ZNF385D: variants seen among roughly 807,000 people sequenced by gnomAD.
ZNF385D encodes the protein zinc finger protein 385D.
A neutral mutation model predicts 35.8 loss-of-function variants in ZNF385D; 15 were observed. The ratio of observed to expected loss-of-function variants is 0.42; its 90% CI spans 0.28 to 0.64. The LOEUF is 0.64. Ranked by LOEUF, ZNF385D falls within the 30% of genes least tolerant of loss-of-function variation. The probability of loss-of-function intolerance (pLI) is 0.23; values close to 1 mark genes in which losing one functional copy is unlikely to be tolerated. For missense variants in ZNF385D, 474 were observed against 494.6 expected (o/e 0.96, Z 0.39); for synonymous variants, 212 against 186.8 (o/e 1.13, Z -1.10).
chr3:22,302,204 C>G (rs934791468), intron 2 of ZNF385D, among the ~76,000 whole-genome samples: 2 of 151,984 alleles, frequency 1.3e-5, no homozygotes, highest in Non-Finnish European at 2.9e-5. Context: ...TATCTCTAAA[C>G]TTTTAAAATA....
intron 3 of ZNF385D, among the ~76,000 whole-genome samples, chr3:22,039,080 A>G (rs1192185367): frequency 6.6e-6 from 1 of 151,860 alleles, no homozygotes; most frequent in East Asian, 1.9e-4. Flanking sequence ...AAATAATTAC[A>G]AACGATCCCT....
At chr3:21,617,291 C>T (rs2125804521) in intron 2 of ZNF385D, among the ~76,000 whole-genome samples, 1 of 152,320 alleles carries the variant, frequency 6.6e-6, no homozygotes, top group South Asian at 2.1e-4. Context: ...CTGGCAAGAA[C>T]TCAGAGTGTA....
chr3:21,657,963 G>T (rs1295348462), intron 2 of ZNF385D, among the ~76,000 whole-genome samples: 1 of 151,904 alleles, frequency 6.6e-6, no homozygotes, highest in Non-Finnish European at 1.5e-5. Context: ...AGAAGACAAA[G>T]TGTGCCAATT....
chr3:22,338,907 G>T, intron 2 of ZNF385D, among the ~76,000 whole-genome samples: 1 of 151,750 alleles, frequency 6.6e-6, no homozygotes, highest in Admixed American at 6.6e-5. Flanking sequence ...CACCATGTTG[G>T]CCAGGCTCGT....
chr3:22,173,337 T>G (rs1464462294), intron 2 of ZNF385D, among the ~76,000 whole-genome samples: 1 of 152,180 alleles, frequency 6.6e-6, no homozygotes, highest in Non-Finnish European at 1.5e-5. Context: ...TAATGTATTA[T>G]TAGTTCGTTA....
At chr3:21,959,299 A>G (rs1482971979) in intron 3 of ZNF385D, among the ~76,000 whole-genome samples, 3 of 152,186 alleles carry the variant, frequency 2.0e-5, no homozygotes, top group African/African-American at 7.2e-5. Flanking sequence ...TGCACTGGCA[A>G]ATAAAAACAA....
At chr3:21,967,628 G>T (rs1231759138) in intron 3 of ZNF385D, among the ~76,000 whole-genome samples, 2 of 152,186 alleles carry the variant, frequency 1.3e-5, no homozygotes, top group African/African-American at 4.8e-5. Context: ...CATATGCCAA[G>T]ATATGACTAA....
Position 21,525,887 on chromosome 3 carries a change from G to T in ZNF385D, c.277-14864C>A, listed in dbSNP as rs77358128. 2.1e-3 allele frequency among the ~76,000 whole-genome samples: 323 copies of T among 152,138 alleles called. 2 individuals carry two copies. The highest frequency in any genetic ancestry group is 6.4e-3 in the African/African-American group (266 of 41,522). ...AATCTGAAATACAGCGGTTGTCTAAGTGATGTTGTTAATATCACTGCTTTC... is the reference window on the plus strand; with the variant it reads ...AATCTGAAATACAGCGGTTGTCTAATTGATGTTGTTAATATCACTGCTTTC... On this transcript the variant is annotated intron_variant, in intron 3 of 7. Transcript: ENST00000281523.
chr3:22,151,034 A>C (rs183883542), intron 3 of ZNF385D, among the ~76,000 whole-genome samples: 1 of 152,180 alleles, frequency 6.6e-6, no homozygotes, highest in Admixed American at 6.6e-5. Context: ...GAAATAAAAT[A>C]AAATCTTCTT....
chr3:22,078,217 T>C (rs556973972), intron 3 of ZNF385D, among the ~76,000 whole-genome samples: 3 of 152,010 alleles, frequency 2.0e-5, no homozygotes, highest in African/African-American at 4.8e-5. Flanking sequence ...AATCACAGCA[T>C]AGACCCTTTT....
At chr3:22,118,837 T>C (rs1000319200) in intron 3 of ZNF385D, among the ~76,000 whole-genome samples, 4 of 152,172 alleles carry the variant, frequency 2.6e-5, no homozygotes, top group East Asian at 3.9e-4. Flanking sequence ...ATTCATTTCA[T>C]ACATACAAAT....
At chr3:21,511,572 G>A (rs1575079850) in intron 3 of ZNF385D, 1 of 406,150 alleles carries the variant, frequency 2.5e-6, no homozygotes, top group East Asian at 7.2e-5. Flanking sequence ...AAGTTCAAAT[G>A]GAGCACACAG....
At chr3:21,812,395 G>A (rs1025506400) in intron 3 of ZNF385D, among the ~76,000 whole-genome samples, 10 of 152,242 alleles carry the variant, frequency 6.6e-5, no homozygotes, top group East Asian at 1.9e-4. Context: ...AGCAGGGCGG[G>A]GCACCGCCTC....
intron 3 of ZNF385D, among the ~76,000 whole-genome samples, chr3:22,124,630 A>T (rs751201637): frequency 6.6e-6 from 1 of 152,084 alleles, no homozygotes; most frequent in Non-Finnish European, 1.5e-5. Context: ...AGGGTGAGGT[A>T]ATATATCGCT....
At chr3:21,872,158 T>G (rs1185411617) in intron 3 of ZNF385D, among the ~76,000 whole-genome samples, 1 of 152,174 alleles carries the variant, frequency 6.6e-6, no homozygotes, top group African/African-American at 2.4e-5. Context: ...AACAGATCAT[T>G]TATAAGTTAA....
intron 3 of ZNF385D, among the ~76,000 whole-genome samples, chr3:22,144,270 A>C (rs547787313): frequency 4.3e-4 from 66 of 152,246 alleles, no homozygotes; most frequent in African/African-American, 1.5e-3. Flanking sequence ...ACTTGAAGAG[A>C]TTTTATACAT....
chr3:21,826,474 AGTT>A (rs955109834), intron 3 of ZNF385D, among the ~76,000 whole-genome samples: 2 of 152,152 alleles, frequency 1.3e-5, no homozygotes, highest in Non-Finnish European at 2.9e-5. Flanking sequence ...AGGGTGATAG[AGTT>A]GTTGATGTCT....
At chr3:21,458,040 A>G (rs1702927993) in intron 4 of ZNF385D, among the ~76,000 whole-genome samples, 1 of 152,180 alleles carries the variant, frequency 6.6e-6, no homozygotes, top group Admixed American at 6.5e-5. Flanking sequence ...AGAATCAACA[A>G]CAACAAAACA....
chr3:21,956,887 C>A (rs4348015), intron 3 of ZNF385D, among the ~76,000 whole-genome samples: 103,379 of 151,214 alleles, frequency 0.68, 36,484 homozygotes, highest in Non-Finnish European at 0.77. Context: ...TTTAACCTTA[C>A]CTTCAAGTTT....
Sources: gnomAD v4.1 joint callset for allele counts (sites outside exome capture counted in the v4.1 genomes callset) on GRCh38, gnomAD v4.1.1 for gene constraint, MANE v1.5 for transcripts, NCBI Gene and HGNC (gene_info 2026-07-23, HGNC 2026-07-21) for gene names.